Variants in CCDC148 observed in about 807,000 individuals in gnomAD.
CCDC148 encodes coiled-coil domain containing 148.
Under a neutral mutation model 85.7 loss-of-function variants are expected in CCDC148, and 89 were observed. The ratio of observed to expected loss-of-function variants is 1.04; its 90% CI spans 0.87 to 1.24. The LOEUF (loss-of-function observed/expected upper bound fraction) is 1.24, where lower values mean the gene tolerates loss of function less well. CCDC148 is among the 50% of genes most tolerant of loss of function. CCDC148 has a pLI of 0.00. For synonymous variants in CCDC148, 230 were observed against 213.9 expected (o/e 1.08, Z -0.66); for missense variants, 692 against 671.7 (o/e 1.03, Z -0.33).
At chr2:158,233,746 G>C (rs1025474309) in intron 10 of CCDC148, among the ~76,000 whole-genome samples, 1 of 151,988 alleles carries the variant, frequency 6.6e-6, no homozygotes, top group Non-Finnish European at 1.5e-5. Context: ...ACTGCTCATG[G>C]AAGCCAGATT....
At chr2:158,341,925 T>C (rs2105244775) in intron 3 of CCDC148, among the ~76,000 whole-genome samples, 1 of 150,114 alleles carries the variant, frequency 6.7e-6, no homozygotes, top group South Asian at 2.1e-4. Context: ...TTTTTTTTAC[T>C]AACACTAACT....
chr2:158,210,937 C>T (rs190863345), intron 11 of CCDC148, among the ~76,000 whole-genome samples: 3,120 of 134,286 alleles, frequency 0.023, 47 homozygotes, highest in East Asian at 0.07. Flanking sequence ...CCAGCCTGGG[C>T]GACAGAGCAA....
intron 1 of CCDC148, among the ~76,000 whole-genome samples, chr2:158,385,934 G>C (rs1685067612): frequency 6.6e-6 from 1 of 152,072 alleles, no homozygotes; most frequent in Non-Finnish European, 1.5e-5. Context: ...CTGTCTCCCT[G>C]GTTTTCTGTG....
intron 9 of CCDC148, among the ~76,000 whole-genome samples, chr2:158,272,907 C>T (rs1160652969): frequency 6.6e-6 from 1 of 152,158 alleles, no homozygotes; most frequent in African/African-American, 2.4e-5. Context: ...ACTTAATCAT[C>T]CCACAATGTA....
intron 2 of CCDC148, among the ~76,000 whole-genome samples, chr2:158,354,942 G>A (rs1200446755): frequency 6.6e-6 from 1 of 152,008 alleles, no homozygotes; most frequent in African/African-American, 2.4e-5. Flanking sequence ...ATCAATAAAT[G>A]TAATCCAGCA....
At chr2:158,182,763 A>G (rs1684965021) in intron 11 of CCDC148, among the ~76,000 whole-genome samples, 1 of 152,200 alleles carries the variant, frequency 6.6e-6, no homozygotes. Flanking sequence ...CACTTAAAAA[A>G]GGAGAAACTC....
intron 9 of CCDC148, among the ~76,000 whole-genome samples, chr2:158,283,335 AAC>A (rs1489593724): frequency 6.6e-6 from 1 of 152,246 alleles, no homozygotes; most frequent in Non-Finnish European, 1.5e-5. Flanking sequence ...CATCAGAGTG[AAC>A]AGGCAACCTA....
chr2:158,235,290 T>C (rs1688051415), intron 10 of CCDC148, among the ~76,000 whole-genome samples: 1 of 152,248 alleles, frequency 6.6e-6, no homozygotes, highest in Non-Finnish European at 1.5e-5. Flanking sequence ...TTCCAAATTC[T>C]ATTCCTGTAT....
At chr2:158,253,263 A>G (rs1165835790) in intron 9 of CCDC148, among the ~76,000 whole-genome samples, 1 of 151,710 alleles carries the variant, frequency 6.6e-6, no homozygotes, top group African/African-American at 2.4e-5. Flanking sequence ...TAGAATCTAA[A>G]TAATTTAGTT....
chr2:158,432,100 T>C (rs1228574486), intron 1 of CCDC148, among the ~76,000 whole-genome samples: 5 of 152,016 alleles, frequency 3.3e-5, no homozygotes, highest in Non-Finnish European at 7.4e-5. Flanking sequence ...TATACTGTAC[T>C]GAGCTAACCT....
At chr2:158,354,342 A>G (rs1436569027) in intron 2 of CCDC148, among the ~76,000 whole-genome samples, 1 of 152,254 alleles carries the variant, frequency 6.6e-6, no homozygotes, top group Non-Finnish European at 1.5e-5. Flanking sequence ...AAGACTAATA[A>G]AGAAAAAAAG....
chr2:158,427,788 T>C (rs985628168), intron 1 of CCDC148, among the ~76,000 whole-genome samples: 1 of 152,110 alleles, frequency 6.6e-6, no homozygotes, highest in African/African-American at 2.4e-5. Flanking sequence ...GGAAGACAGC[T>C]TGAGCTGAAG....
In CCDC148 at chr2:158,271,152, T is replaced by C. The variant is rs74462015; in HGVS notation, c.1111-20240A>G. Among the ~76,000 whole-genome samples the C allele has an allele frequency of 7.4e-3, 1,122 of 152,284 alleles. 18 individuals are homozygous for C. The highest frequency in any genetic ancestry group is 0.026 in the African/African-American group (1,070 of 41,570). On this transcript the variant is annotated intron_variant, in intron 9 of 13. Transcript: ENST00000283233. ...ACTTTCACTTTCATCATCTAATAGA[T>C]TTAATGAAGAAGATTTTGGGGGGGT... is the stretch of plus-strand genomic sequence containing the variant.
intron 9 of CCDC148, among the ~76,000 whole-genome samples, chr2:158,270,661 A>ATAT (rs1689657121): frequency 1.3e-5 from 2 of 152,202 alleles, no homozygotes; most frequent in Non-Finnish European, 2.9e-5. Context: ...AGCACGAGAA[A>ATAT]GCTAGTCTAT....
chr2:158,229,770 T>C (rs556907509), intron 10 of CCDC148, among the ~76,000 whole-genome samples: 170 of 152,268 alleles, frequency 1.1e-3, no homozygotes, highest in African/African-American at 3.8e-3. Flanking sequence ...CCCTGTACCT[T>C]CAGCTTCTTG....
intron 10 of CCDC148, among the ~76,000 whole-genome samples, chr2:158,237,816 G>GAGACT (rs1688175268): frequency 6.6e-6 from 1 of 152,134 alleles, no homozygotes; most frequent in African/African-American, 2.4e-5. Context: ...GCCACCCCAG[G>GAGACT]AGACTCCAAA....
chr2:158,373,651 C>T (rs1684540460), intron 1 of CCDC148, among the ~76,000 whole-genome samples: 1 of 151,950 alleles, frequency 6.6e-6, no homozygotes, highest in Admixed American at 6.6e-5. Flanking sequence ...GAGCTTATTA[C>T]AATGTTTATT....
intron 11 of CCDC148, among the ~76,000 whole-genome samples, chr2:158,191,701 G>C (rs1012143599): frequency 2.0e-5 from 3 of 151,932 alleles, no homozygotes; most frequent in Non-Finnish European, 2.9e-5. Flanking sequence ...GTTTCAACTA[G>C]CTTCTTTGGT....
At chr2:158,395,280 C>T (rs1244470509) in intron 1 of CCDC148, among the ~76,000 whole-genome samples, 1 of 152,072 alleles carries the variant, frequency 6.6e-6, no homozygotes, top group African/African-American at 2.4e-5. Flanking sequence ...GTACACAGGG[C>T]CTATCCCAAC....
Sources: allele counts gnomAD v4.1 joint callset (sites outside exome capture counted in the v4.1 genomes callset), GRCh38; gene constraint gnomAD v4.1.1; transcripts MANE v1.5; gene names NCBI Gene and HGNC (gene_info 2026-07-23, HGNC 2026-07-21).